HYAL4: variants seen among roughly 807,000 people sequenced by gnomAD.
The protein encoded by HYAL4 is hyaluronidase-4.
HYAL4 carries 37 observed loss-of-function variants against 35.2 expected under a neutral mutation model. The observed-to-expected ratio is 1.05, with a 90% confidence interval of 0.81 to 1.38. HYAL4 has a LOEUF of 1.38. HYAL4 is among the 40% of genes most tolerant of loss of function. The pLI, the probability that HYAL4 is intolerant of heterozygous loss-of-function variation, is 0.00. For synonymous variants in HYAL4, 198 were observed against 203.2 expected (o/e 0.97, Z 0.22); for missense variants, 572 against 572.4 (o/e 1.00, Z 0.01).
In HYAL4 at chr7:123,873,107, T is replaced by C. The variant is rs62472131; in HGVS notation, c.955-1654T>C. On this transcript the variant is annotated intron_variant, in intron 3 of 4. Transcript: ENST00000223026. ...CGGAGTGAGGAGTTCTGCTCCCTTA[T>C]GTCTTTGCCCAAAGAGGGAGTGGAC... Among the ~76,000 whole-genome samples the C allele has an allele frequency of 6.8e-4, 104 of 152,146 alleles. 1 individual carries two copies. Among genetic ancestry groups the C allele is most frequent in the Non-Finnish European group, 1.3e-3 (87 of 68,028 alleles).
intron 2 of HYAL4, among the ~76,000 whole-genome samples, chr7:123,859,148 C>G (rs944813154): frequency 7.9e-5 from 12 of 152,106 alleles, no homozygotes; most frequent in Non-Finnish European, 1.8e-4. Context: ...AACAAGCAAT[C>G]TAGCTTCCTG....
In HYAL4 at chr7:123,859,776, T is replaced by A. The variant is rs966013542; in HGVS notation, c.-51-8447T>A. Among the ~76,000 whole-genome samples, 8 of 152,334 alleles carry A rather than the reference T, an allele frequency of 5.3e-5. No individual in the cohort carries two copies. The East Asian group carries it at 1.3e-3, about 26-fold the overall frequency. ...TCCAAAGAACTTTGAGTTTTTAAAATCAGATTGATGGTTTTGAGTTAGCTG... is the reference window on the plus strand; with the variant it reads ...TCCAAAGAACTTTGAGTTTTTAAAAACAGATTGATGGTTTTGAGTTAGCTG... On this transcript the variant is annotated intron_variant, in intron 2 of 4. Coordinates refer to ENST00000223026, the MANE Select transcript of HYAL4 (RefSeq NM_012269.3).
chr7:123,773,137 T>A, the HYAL4 span, among the ~76,000 whole-genome samples: 1 of 152,230 alleles, frequency 6.6e-6, no homozygotes, highest in African/African-American at 2.4e-5. Flanking sequence ...TTCCTGATTC[T>A]TATTCGCACT....
At chr7:123,832,417 CT>C (rs1805897180) in intron 1 of HYAL4, among the ~76,000 whole-genome samples, 1 of 135,594 alleles carries the variant, frequency 7.4e-6, no homozygotes, top group Non-Finnish European at 1.5e-5. Flanking sequence ...GATTTGTAGT[CT>C]TTTATCCCTG....
At chr7:123,867,779 ATCTC>A (rs1164943042) in intron 2 of HYAL4, among the ~76,000 whole-genome samples, 13 of 152,152 alleles carry the variant, frequency 8.5e-5, no homozygotes, top group African/African-American at 2.9e-4. Flanking sequence ...AAGCCTTTTC[ATCTC>A]TCTAAGCCTC....
At chr7:123,838,282 A>C (rs966984851) in intron 1 of HYAL4, among the ~76,000 whole-genome samples, 18 of 151,638 alleles carry the variant, frequency 1.2e-4, no homozygotes, top group African/African-American at 3.9e-4. Flanking sequence ...TTATATACAA[A>C]GAAACTCTGT....
At chr7:123,840,649 C>T (rs983826984), upstream of HYAL4, among the ~76,000 whole-genome samples, 1 of 151,824 alleles carries the variant, frequency 6.6e-6, no homozygotes, top group African/African-American at 2.4e-5. Context: ...TGTTTGTGTC[C>T]TCTTTTATTT....
chr7:123,870,736 G>T (rs2116961881), intron 3 of HYAL4, among the ~76,000 whole-genome samples: 1 of 151,110 alleles, frequency 6.6e-6, no homozygotes, highest in Non-Finnish European at 1.5e-5. Context: ...CTCCAGCCTG[G>T]GCGACAGAGC....
At chr7:123,774,734 A>G in the HYAL4 span, among the ~76,000 whole-genome samples, 1 of 152,144 alleles carries the variant, frequency 6.6e-6, no homozygotes. Flanking sequence ...TCACCTGCCT[A>G]TTCAGTTCCT....
chr7:123,765,251 C>G, the HYAL4 span, among the ~76,000 whole-genome samples: 3 of 151,806 alleles, frequency 2.0e-5, no homozygotes, highest in Admixed American at 6.6e-5. Flanking sequence ...AAGATGATAA[C>G]AGAGATGCTT....
At chr7:123,830,618 C>A (rs1805866009) in intron 1 of HYAL4, among the ~76,000 whole-genome samples, 1 of 152,176 alleles carries the variant, frequency 6.6e-6, no homozygotes, top group Non-Finnish European at 1.5e-5. Flanking sequence ...CTATTCCATA[C>A]AACCCACAAT....
intron 2 of HYAL4, among the ~76,000 whole-genome samples, chr7:123,857,428 A>T (rs1190611112): frequency 1.3e-5 from 2 of 152,030 alleles, no homozygotes. Flanking sequence ...TCCCTTGGGT[A>T]GGGGAGGGAA....
At chr7:123,777,394 CAT>C in the HYAL4 span, among the ~76,000 whole-genome samples, 2 of 151,894 alleles carry the variant, frequency 1.3e-5, no homozygotes, top group African/African-American at 4.8e-5. Flanking sequence ...TAAAATTATT[CAT>C]ATGATTCTTT....
the HYAL4 span, among the ~76,000 whole-genome samples, chr7:123,764,074 T>C: frequency 1.3e-5 from 2 of 152,146 alleles, no homozygotes; most frequent in African/African-American, 2.4e-5. Flanking sequence ...CTTGAACTCC[T>C]TGGGCTCAGG....
At chr7:123,876,644 T>G in intron 4 of HYAL4, 110 bp from the exon 5 acceptor site, 1 of 1,153,350 alleles carries the variant, frequency 8.7e-7, no homozygotes. Flanking sequence ...CAAAGAACTG[T>G]GCTAGAAGCT....
chr7:123,802,089 G>A, the HYAL4 span, among the ~76,000 whole-genome samples: 1 of 152,296 alleles, frequency 6.6e-6, no homozygotes, highest in African/African-American at 2.4e-5. Flanking sequence ...CTGAGCATAT[G>A]ATCTCCAAGT....
intron 1 of HYAL4, among the ~76,000 whole-genome samples, chr7:123,839,779 T>C (rs1806023491): frequency 6.6e-6 from 1 of 152,236 alleles, no homozygotes; most frequent in South Asian, 2.1e-4. Context: ...TGCATAGATA[T>C]CTTCTTTTGT....
chr7:123,808,435 G>A, the HYAL4 span, among the ~76,000 whole-genome samples: 1 of 150,512 alleles, frequency 6.6e-6, no homozygotes, highest in Non-Finnish European at 1.5e-5. Flanking sequence ...GTGTGTGTGT[G>A]TGTGTGTGTG....
chr7:123,807,316 A>G, the HYAL4 span, among the ~76,000 whole-genome samples: 1 of 152,242 alleles, frequency 6.6e-6, no homozygotes, highest in East Asian at 1.9e-4. Flanking sequence ...TGAGAAAACT[A>G]AAACCATAAA....
Sources: gnomAD v4.1 joint callset for allele counts (sites outside exome capture counted in the v4.1 genomes callset) on GRCh38, gnomAD v4.1.1 for gene constraint, MANE v1.5 for transcripts, NCBI Gene and HGNC (gene_info 2026-07-23, HGNC 2026-07-21) for gene names.